FHIT: variants seen among roughly 807,000 people sequenced by gnomAD.
FHIT encodes bis(5'-adenosyl)-triphosphatase.
FHIT carries 19 observed loss-of-function variants against 17.9 expected under a neutral mutation model. The ratio of observed to expected loss-of-function variants is 1.06; its 90% CI spans 0.74 to 1.56. The LOEUF (loss-of-function observed/expected upper bound fraction) is 1.56. FHIT is among the 40% of genes most tolerant of loss of function. The pLI is 0.00. For missense variants in FHIT, 248 were observed against 189.2 expected, an observed-to-expected ratio of 1.31 and a Z score of -1.82; for synonymous variants, 81 against 69.7, an observed-to-expected ratio of 1.16 and a Z score of -0.81.
chr3:61,120,725 A>C (rs2036433463), intron 2 of FHIT, among the ~76,000 whole-genome samples: 1 of 152,092 alleles, frequency 6.6e-6, no homozygotes, highest in Non-Finnish European at 1.5e-5. Flanking sequence ...CAAGGGAACA[A>C]AACTGGACCA....
intron 8 of FHIT, among the ~76,000 whole-genome samples, chr3:59,801,635 C>G (rs1699996834): frequency 6.6e-6 from 1 of 152,102 alleles, no homozygotes; most frequent in Non-Finnish European, 1.5e-5. Flanking sequence ...TGACCCAATG[C>G]TCTGTATCAA....
intron 5 of FHIT, among the ~76,000 whole-genome samples, chr3:60,054,806 A>G (rs1489514212): frequency 1.3e-5 from 2 of 152,174 alleles, no homozygotes; most frequent in African/African-American, 4.8e-5. Flanking sequence ...TTTCTACACT[A>G]AATTTTTGGG....
chr3:59,761,626 A>G (rs1283378261), intron 8 of FHIT, among the ~76,000 whole-genome samples: 1 of 150,522 alleles, frequency 6.6e-6, no homozygotes, highest in Non-Finnish European at 1.5e-5. Flanking sequence ...TTTTTTTTCG[A>G]GATGGAGTCT....
chr3:60,005,850 A>C (rs1699903638), intron 7 of FHIT, among the ~76,000 whole-genome samples: 1 of 152,192 alleles, frequency 6.6e-6, no homozygotes, highest in Non-Finnish European at 1.5e-5. Context: ...TTCATCCTCA[A>C]GATAAGGCTT....
chr3:59,782,767 G>A (rs532523074), intron 8 of FHIT, among the ~76,000 whole-genome samples: 10 of 152,238 alleles, frequency 6.6e-5, no homozygotes, highest in Non-Finnish European at 1.3e-4. Flanking sequence ...GCAGGCAGGA[G>A]GCATGCAGTG....
chr3:60,584,577 C>A (rs1553661016), intron 4 of FHIT, among the ~76,000 whole-genome samples: 1 of 152,014 alleles, frequency 6.6e-6, no homozygotes, highest in African/African-American at 2.4e-5. Flanking sequence ...ATATGGTCAA[C>A]TGGAGACTAA....
chr3:61,138,107 T>C (rs1465767403), intron 2 of FHIT, among the ~76,000 whole-genome samples: 3 of 116,254 alleles, frequency 2.6e-5, no homozygotes, highest in Non-Finnish European at 3.7e-5. Flanking sequence ...TCCCACCTCA[T>C]AGGAGTATTA....
intron 5 of FHIT, among the ~76,000 whole-genome samples, chr3:60,372,388 G>C (rs944752784): frequency 2.0e-5 from 3 of 152,030 alleles, no homozygotes; most frequent in Non-Finnish European, 4.4e-5. Context: ...ATCTGATTGT[G>C]GCACATCCAT....
chr3:60,305,558 G>C (rs1487316064), intron 5 of FHIT, among the ~76,000 whole-genome samples: 3 of 152,078 alleles, frequency 2.0e-5, no homozygotes, highest in African/African-American at 4.8e-5. Flanking sequence ...TCCATCAAGG[G>C]CTTCAAAACA....
In FHIT at chr3:60,313,367, T is replaced by C. The variant is rs536394253; in HGVS notation, c.103+223493A>G. Among the ~76,000 whole-genome samples, 8 of 152,298 alleles carry C rather than the reference T, an allele frequency of 5.3e-5. No homozygotes were observed. The South Asian group carries it at 1.7e-3, about 32-fold the overall frequency. ...GTCAAGCAACCGCATTTATATTGTC[T>C]ACATTAAAGGGATCTCTTGAAAACA... On this transcript the variant is annotated intron_variant, in intron 5 of 9. Coordinates refer to ENST00000492590, the MANE Select transcript of FHIT (RefSeq NM_002012.4).
At chr3:60,292,400 C>T (rs921169186) in intron 5 of FHIT, among the ~76,000 whole-genome samples, 21 of 152,196 alleles carry the variant, frequency 1.4e-4, no homozygotes, top group African/African-American at 4.8e-4. Context: ...CTTCCCCTTC[C>T]AGATAAAAGT....
chr3:60,072,084 G>C (rs1047629938), intron 5 of FHIT, among the ~76,000 whole-genome samples: 1 of 152,176 alleles, frequency 6.6e-6, no homozygotes, highest in Non-Finnish European at 1.5e-5. Flanking sequence ...AGGTAATAAA[G>C]ACTTGAAGGA....
intron 4 of FHIT, among the ~76,000 whole-genome samples, chr3:60,567,906 A>C (rs2037199772): frequency 6.6e-6 from 1 of 152,236 alleles, no homozygotes; most frequent in Non-Finnish European, 1.5e-5. Context: ...ATCCGCAATG[A>C]GATACCATCT....
chr3:60,920,500 G>C (rs1707222749), intron 3 of FHIT, among the ~76,000 whole-genome samples: 1 of 152,006 alleles, frequency 6.6e-6, no homozygotes, highest in Non-Finnish European at 1.5e-5. Flanking sequence ...GGTAGTGGCA[G>C]GGAATAGACA....
At chr3:60,489,976 A>G (rs1488628620) in intron 5 of FHIT, among the ~76,000 whole-genome samples, 1 of 152,192 alleles carries the variant, frequency 6.6e-6, no homozygotes, top group Non-Finnish European at 1.5e-5. Flanking sequence ...CATGACAGGC[A>G]GGAAATCATC....
chr3:59,760,559 CAAAAAA>C (rs35692822), intron 8 of FHIT, among the ~76,000 whole-genome samples: 1 of 135,236 alleles, frequency 7.4e-6, no homozygotes, highest in East Asian at 2.2e-4. Flanking sequence ...CCCATGCCAT[CAAAAAA>C]AAAAAAAAAA....
intron 7 of FHIT, among the ~76,000 whole-genome samples, chr3:59,958,061 G>A (rs1707490210): frequency 6.6e-6 from 1 of 152,188 alleles, no homozygotes; most frequent in African/African-American, 2.4e-5. Context: ...TGCAAGAGCA[G>A]GATCTCAAAT....
chr3:60,342,821 G>A (rs1710592135), intron 5 of FHIT, among the ~76,000 whole-genome samples: 1 of 152,094 alleles, frequency 6.6e-6, no homozygotes, highest in Admixed American at 6.6e-5. Flanking sequence ...AGCAAAAATT[G>A]GAAATCTGCT....
chr3:60,909,883 A>C (rs1166239288), intron 3 of FHIT, among the ~76,000 whole-genome samples: 1 of 152,160 alleles, frequency 6.6e-6, no homozygotes, highest in South Asian at 2.1e-4. Context: ...GCCTCAGTAT[A>C]TGGTCTTTGC....
Sources: allele counts gnomAD v4.1 joint callset (sites outside exome capture counted in the v4.1 genomes callset), GRCh38; gene constraint gnomAD v4.1.1; transcripts MANE v1.5; gene names NCBI Gene and HGNC (gene_info 2026-07-23, HGNC 2026-07-21).